The following COG7 variants were observed in gnomAD, a reference collection of about 807,000 sequenced individuals.
The protein encoded by COG7 is conserved oligomeric Golgi complex subunit 7.
In COG7, 49 loss-of-function variants were observed where a neutral mutation model predicts 91.5. That is an observed-to-expected ratio of 0.54 (90% CI 0.43 to 0.68). The LOEUF (loss-of-function observed/expected upper bound fraction) is 0.68, where lower values mean the gene tolerates loss of function less well. Ranked by LOEUF, COG7 falls within the 30% of genes least tolerant of loss-of-function variation. COG7 has a pLI of 0.00. For synonymous variants in COG7, 365 were observed against 388.7 expected (o/e 0.94, Z 0.72); for missense variants, 895 against 961.3 (o/e 0.93, Z 0.91).
intron 14 of COG7, among the ~76,000 whole-genome samples, chr16:23,397,077 T>G (rs1176770565): frequency 6.6e-6 from 1 of 151,932 alleles, no homozygotes; most frequent in Admixed American, 6.6e-5. Context: ...CCTGGATAAT[T>G]TTTTACTTTT....
chr16:23,421,250 AAGTT>A (rs1963751683), intron 7 of COG7, among the ~76,000 whole-genome samples: 2 of 151,772 alleles, frequency 1.3e-5, no homozygotes, highest in Admixed American at 6.6e-5. Context: ...GTAAAATTAA[AAGTT>A]AGGCAATATA....
chr16:23,414,886 A>G (rs1181512091), intron 9 of COG7: 1 of 152,316 alleles, frequency 6.6e-6, no homozygotes, highest in Admixed American at 6.5e-5. Context: ...ATGCATCACA[A>G]GAGGCCTTGC....
intron 15 of COG7, 98 bp from the exon 16 acceptor site, chr16:23,392,621 A>G: frequency 4.1e-6 from 6 of 1,461,964 alleles, no homozygotes; most frequent in Non-Finnish European, 5.7e-6. Flanking sequence ...TGGCAAACAC[A>G]GGAAACCGAA....
At position 23,406,186 on chromosome 16, in the gene COG7, A is replaced by G. The variant is rs1233816019; in HGVS notation, c.1552T>C (p.Leu518=). Residue 518 remains leucine (L), a synonymous_variant, in exon 12 of 17, where the codon TTG becomes CTG. Transcript: ENST00000307149. The stretch of plus-strand genomic sequence containing the variant: ...TTGGCAGAGTTCTTCTTGTCTGTCA[A>G]GATGCTCTCCTGAAAACCAGCCAGG... ...RSLAGFQESI[L]TDKKNSAKNP... The G allele has an allele frequency of 2.5e-6, 4 of 1,614,026 alleles. No homozygotes were observed. The highest frequency in any genetic ancestry group is 2.7e-5 in the African/African-American group (2 of 74,910).
intron 15 of COG7, 55 bp downstream of exon 15, chr16:23,393,178 A>G (rs1963228109): frequency 3.0e-6 from 4 of 1,326,372 alleles, no homozygotes; most frequent in Middle Eastern, 2.4e-4. Flanking sequence ...TGGAGTTTCT[A>G]CCCTGGAAAC....
Position 23,409,089 on chromosome 16 carries a change from G to GTA in COG7, c.1475+1205_1475+1206insTA, listed in dbSNP as rs1039618750. On this transcript the variant is annotated intron_variant, in intron 11 of 16. Transcript: ENST00000307149. ...CGTGTGTGTGTGTGTGTGTGTGTGTGCGTGCATGTGTGTGTGTGTGTGTGT... is the reference window on the plus strand; with the variant it reads ...CGTGTGTGTGTGTGTGTGTGTGTGTGTACGTGCATGTGTGTGTGTGTGTGTGT... Among the ~76,000 whole-genome samples, 22 of 85,068 alleles carry GTA rather than the reference G, an allele frequency of 2.6e-4. 1 individual carries two copies. The highest frequency in any genetic ancestry group is 1.2e-3 in the African/African-American group (22 of 18,916). The allele number at this position is 85,068 out of a possible 152,430, so 55.8% of individuals were successfully genotyped here.
At chr16:23,436,402 T>C (rs975370961) in intron 4 of COG7, among the ~76,000 whole-genome samples, 1 of 152,066 alleles carries the variant, frequency 6.6e-6, no homozygotes, top group African/African-American at 2.4e-5. Flanking sequence ...GGGGAACATG[T>C]TGGGGATGAA....
At chr16:23,421,535 T>C (rs1963755612) in intron 7 of COG7, among the ~76,000 whole-genome samples, 1 of 151,608 alleles carries the variant, frequency 6.6e-6, no homozygotes, top group East Asian at 1.9e-4. Flanking sequence ...GAATAAGCAA[T>C]TCAAAAGAGA....
chr16:23,442,567 C>G lies in COG7; in HGVS notation c.514G>C (p.Glu172Gln). The G allele has an allele frequency of 1.2e-6, 2 of 1,614,144 alleles. No homozygotes were observed. Among genetic ancestry groups the G allele is most frequent in the South Asian group, 2.2e-5 (2 of 91,084 alleles). ...AGTGCCTCCAAGTGCACACACTTTT[C>G]TGAGTAGTCTGGTGTATCAACAAGC... ...MMLVDTPDYSEKCVHLEALKN... is the reference protein window; with the variant it reads ...MMLVDTPDYSQKCVHLEALKN... Residue 172 changes from glutamate to glutamine, a missense_variant, in exon 4 of 17, where the codon GAA (glutamate) becomes CAA (glutamine). By Grantham distance (29) the Glu-to-Gln change is conservative. Coordinates refer to ENST00000307149, the MANE Select transcript of COG7 (RefSeq NM_153603.4).
At position 23,392,164 on chromosome 16, in the gene COG7, C is replaced by T. The variant is rs1188205480; in HGVS notation, c.2146+216G>A. On this transcript the variant is annotated intron_variant, in intron 16 of 16. Coordinates refer to ENST00000307149, the MANE Select transcript of COG7 (RefSeq NM_153603.4). ...CCCTCAACGGTTCTCAAGTCCTCTTCGAAAACATAGATGTCTGAGCTTCAG... is the reference window on the plus strand; with the variant it reads ...CCCTCAACGGTTCTCAAGTCCTCTTTGAAAACATAGATGTCTGAGCTTCAG... The T allele has an allele frequency of 8.3e-6, 12 of 1,440,106 alleles. No individual in the cohort carries two copies. The East Asian group carries it at 1.8e-4, about 22-fold the overall frequency. The allele number at this position is 1,440,106 out of a possible 1,614,324, so 89.2% of individuals were successfully genotyped here. A position where few individuals can be genotyped will look rare whatever the true frequency, so the allele number is the denominator to read the frequency against.
intron 16 of COG7, chr16:23,391,984 C>T: frequency 8.6e-7 from 1 of 1,166,786 alleles, no homozygotes; most frequent in South Asian, 1.8e-5. Context: ...TTTGGAATTA[C>T]ATAAGACGAT....
chr16:23,390,545 T>C (rs960638471), intron 16 of COG7, among the ~76,000 whole-genome samples: 1 of 151,994 alleles, frequency 6.6e-6, no homozygotes, highest in Non-Finnish European at 1.5e-5. Flanking sequence ...TCATCTCTTC[T>C]CCTTGACTAA....
intron 1 of COG7, chr16:23,446,661 A>C (rs1964187985): frequency 6.5e-6 from 1 of 153,260 alleles, no homozygotes; most frequent in African/African-American, 2.4e-5. Flanking sequence ...CATGTTGGCC[A>C]GGCTGGTCTT....
chr16:23,445,045 T>C lies in COG7; in HGVS notation c.435+3A>G, dbSNP rs1465763794. ...CATAACATCCCCTAAACAAGAAACC[T>C]ACCTGAGTCTTAAATGTCTCCTCAA... On this transcript the variant is annotated splice_donor_region_variant and intron_variant, in intron 3 of 16. Transcript: ENST00000307149. The C allele has an allele frequency of 6.2e-7, 1 of 1,607,114 alleles. No homozygotes were observed. The highest frequency in any genetic ancestry group is 8.5e-7 in the Non-Finnish European group (1 of 1,173,592).
chr16:23,402,239 G>A (rs867283622), intron 13 of COG7, among the ~76,000 whole-genome samples: 80 of 152,046 alleles, frequency 5.3e-4, no homozygotes, highest in Middle Eastern at 3.2e-3. Context: ...TGCCCAATCA[G>A]CCTTTAACAT....
intron 6 of COG7, among the ~76,000 whole-genome samples, chr16:23,428,693 T>C (rs1437130276): frequency 7.3e-6 from 1 of 137,620 alleles, no homozygotes; most frequent in South Asian, 2.3e-4. Flanking sequence ...GTTTCTTTTC[T>C]TTTTTTTTTT....
At chr16:23,430,935 G>A (rs992110717) in intron 6 of COG7, among the ~76,000 whole-genome samples, 3 of 151,792 alleles carry the variant, frequency 2.0e-5, no homozygotes, top group Non-Finnish European at 4.4e-5. Context: ...AGGCTGAGGC[G>A]GGAAGATCAC....
At chr16:23,446,306 C>A in intron 1 of COG7, 1 of 384,196 alleles carries the variant, frequency 2.6e-6, no homozygotes, top group Non-Finnish European at 4.8e-6. Context: ...CATCATATTA[C>A]TTAATGTCCA....
chr16:23,392,429 C>T lies in COG7; in HGVS notation c.2097G>A (p.Gln699=). The T allele has an allele frequency of 6.2e-7, 1 of 1,614,182 alleles. No homozygotes were observed. Among genetic ancestry groups the T allele is most frequent in the Non-Finnish European group, 8.5e-7 (1 of 1,180,044 alleles). Residue 699 remains glutamine, a synonymous_variant, in exon 16 of 17, where the codon CAG becomes CAA. Coordinates refer to ENST00000307149, the MANE Select transcript of COG7 (RefSeq NM_153603.4). The stretch of plus-strand genomic sequence containing the variant: ...CAGAGTGTGGGCTCAGCTCAGGGAT[C>T]TGTAGGATCGCATCACAGTAGGTCT... ...TMQTYCDAIL[Q]IPELSPHSAK...
Sources: allele counts gnomAD v4.1 joint callset (sites outside exome capture counted in the v4.1 genomes callset), GRCh38; gene constraint gnomAD v4.1.1; transcripts MANE v1.5; gene names NCBI Gene and HGNC (gene_info 2026-07-23, HGNC 2026-07-21).